EXT1: variants seen among roughly 807,000 people sequenced by gnomAD.
EXT1 encodes exostosin glycosyltransferase 1.
A neutral mutation model predicts 82.5 loss-of-function variants in EXT1; 20 were observed. The observed-to-expected ratio is 0.24, with a 90% confidence interval of 0.17 to 0.35. The LOEUF is 0.35. Among genes scored for constraint, EXT1 ranks in the 10% least tolerant of loss-of-function variants. The pLI is 1.00. For missense variants in EXT1, 757 were observed against 936.5 expected (o/e 0.81, Z 2.50); for synonymous variants, 348 against 350.8 (o/e 0.99, Z 0.09).
At chr8:118,033,346 G>A (rs1816366732) in intron 1 of EXT1, among the ~76,000 whole-genome samples, 1 of 152,132 alleles carries the variant, frequency 6.6e-6, no homozygotes, top group Non-Finnish European at 1.5e-5. Context: ...TCTGTGTCCA[G>A]AACATTACTA....
In EXT1 at chr8:117,829,899, A is replaced by G. The variant is rs17474567; in HGVS notation, c.1284+331T>C. Among the ~76,000 whole-genome samples, 392 of 152,246 alleles carry G rather than the reference A, an allele frequency of 2.6e-3. 3 individuals are homozygous for G. Among genetic ancestry groups the G allele is most frequent in the African/African-American group, 8.9e-3 (371 of 41,556 alleles). The stretch of plus-strand genomic sequence containing the variant: ...AAATATTTTTTTCTAAATGAACTCC[A>G]GAAATATGTCTTCGAAGGATGCCAT... On this transcript the variant is annotated intron_variant, in intron 4 of 10. Transcript: ENST00000378204.
In EXT1 at chr8:117,813,009, G is replaced by GT. The variant is rs758928835; in HGVS notation, c.1633-49dup. 33 of 1,490,438 alleles carry GT rather than the reference G, an allele frequency of 2.2e-5. No individual in the cohort carries two copies. In the Admixed American group the frequency reaches 5.6e-4, roughly 25 times the overall value. The allele number at this position is 1,490,438 out of a possible 1,614,324, so 92.3% of individuals were successfully genotyped here. A position where few individuals can be genotyped will look rare whatever the true frequency, so the allele number is the denominator to read the frequency against. ...AGTGGGGAGGGAATGAGGGAAAGAG[G>GT]TAACTTCAGAGTCTTGTTTTCAGGA... On this transcript the variant is annotated intron_variant, in intron 7 of 10. Transcript: ENST00000378204.
chr8:118,046,344 C>T (rs11562762), intron 1 of EXT1, among the ~76,000 whole-genome samples: 7,826 of 152,206 alleles, frequency 0.051, 640 homozygotes, highest in African/African-American at 0.18. Flanking sequence ...CTTCAGGCAA[C>T]GCACAGAGCA....
intron 8 of EXT1, among the ~76,000 whole-genome samples, chr8:117,810,844 A>G (rs1823307306): frequency 1.3e-5 from 2 of 152,166 alleles, no homozygotes; most frequent in Admixed American, 1.3e-4. Context: ...CGGCAGGAAA[A>G]TCGAGGCAGG....
At chr8:117,803,394 G>A (rs184599097) in intron 10 of EXT1, among the ~76,000 whole-genome samples, 72 of 151,920 alleles carry the variant, frequency 4.7e-4, no homozygotes, top group African/African-American at 1.7e-3. Flanking sequence ...ATGGGGTTTC[G>A]ACATGTTGGC....
chr8:118,077,138 A>T (rs1333067213), intron 1 of EXT1, among the ~76,000 whole-genome samples: 1 of 152,230 alleles, frequency 6.6e-6, no homozygotes, highest in Non-Finnish European at 1.5e-5. Context: ...AGGAGGCAAG[A>T]CACAGTCCTT....
chr8:117,844,483 A>T (rs1046351372), intron 1 of EXT1, among the ~76,000 whole-genome samples: 1 of 152,136 alleles, frequency 6.6e-6, no homozygotes, highest in Non-Finnish European at 1.5e-5. Context: ...AGAAAACTGA[A>T]GTTTACAGCA....
In EXT1 at chr8:117,980,731, T is replaced by C. The variant is rs111770999; in HGVS notation, c.962+129354A>G. On this transcript the variant is annotated intron_variant, in intron 1 of 10. Coordinates refer to ENST00000378204, the MANE Select transcript of EXT1 (RefSeq NM_000127.3). ...TTTTTTTTTTTTTTTTTTTTTTTTT[T>C]CCAGTGTGAGTTCTTCAGTGGAAAC... Among the ~76,000 whole-genome samples the C allele has an allele frequency of 3.8e-3, 538 of 140,024 alleles. 7 individuals carry two copies. The highest frequency in any genetic ancestry group is 0.014 in the African/African-American group (507 of 36,256). The allele number at this position is 140,024 out of a possible 152,430, so 91.9% of individuals were successfully genotyped here.
chr8:118,020,327 A>T (rs1816077953), intron 1 of EXT1, among the ~76,000 whole-genome samples: 1 of 152,218 alleles, frequency 6.6e-6, no homozygotes, highest in African/African-American at 2.4e-5. Flanking sequence ...AGGAACTACT[A>T]ATTCTAGTAG....
chr8:117,845,690 C>A (rs975113635), intron 1 of EXT1, among the ~76,000 whole-genome samples: 3 of 152,026 alleles, frequency 2.0e-5, no homozygotes, highest in Non-Finnish European at 2.9e-5. Context: ...TCAAGTGATC[C>A]TCCCACATCC....
intron 1 of EXT1, among the ~76,000 whole-genome samples, chr8:117,991,071 T>C (rs953751795): frequency 8.6e-5 from 13 of 151,612 alleles, no homozygotes; most frequent in African/African-American, 2.9e-4. Flanking sequence ...ATACACGGAA[T>C]GGAAGAAGGT....
intron 1 of EXT1, among the ~76,000 whole-genome samples, chr8:117,878,091 G>A (rs1813001592): frequency 6.6e-6 from 1 of 152,138 alleles, no homozygotes; most frequent in Admixed American, 6.5e-5. Context: ...TGGCCAACAT[G>A]GTGAAACCCC....
At position 118,110,881 on chromosome 8, in the gene EXT1, G is replaced by A. The variant is rs368004125; in HGVS notation, c.166C>T (p.Pro56Ser). 1 of 1,613,630 alleles carries A rather than the reference G, an allele frequency of 6.2e-7. No homozygotes were observed. Among genetic ancestry groups the A allele is most frequent in the South Asian group, 1.1e-5 (1 of 91,072 alleles). Residue 56 changes from proline to serine, a missense_variant, in exon 1 of 11, where the codon CCC (proline) becomes TCC (serine). Physicochemically the swap from Pro to Ser is moderately conservative, Grantham distance 74 (BLOSUM62 -1). This residue lies in a region of EXT1 where 175 missense variants were observed against 159.0 expected (regional missense o/e 1.10). Coordinates refer to ENST00000378204, the MANE Select transcript of EXT1 (RefSeq NM_000127.3). ...LHHPSPDHFW[P>S]RFPDALRPFV... The stretch of plus-strand genomic sequence containing the variant: ...GGGCGCAGAGCGTCCGGGAAGCGGG[G>A]CCAGAAATGATCCGGACTGGGGTGG...
At chr8:117,825,144 C>CT (rs1811989905) in intron 4 of EXT1, among the ~76,000 whole-genome samples, 1 of 152,120 alleles carries the variant, frequency 6.6e-6, no homozygotes, top group South Asian at 2.1e-4. Context: ...AGTGTTGGGA[C>CT]TACAGGTGTG....
At position 117,795,513 on chromosome 8, in the gene EXT1, G is replaced by C. The variant is rs1823077240; in HGVS notation, c.*4199C>G. On this transcript the variant is annotated 3_prime_UTR_variant, in exon 11 of 11. Coordinates refer to ENST00000378204, the MANE Select transcript of EXT1 (RefSeq NM_000127.3). ...TTTTTTTTTAAAGAAAAAAAAAAGGGGGGCCAGGCGCAGTGGCTTACACCT... is the reference window on the plus strand; with the variant it reads ...TTTTTTTTTAAAGAAAAAAAAAAGGCGGGCCAGGCGCAGTGGCTTACACCT... 6.6e-6 allele frequency: 1 copy of C among 151,046 alleles called. No homozygotes were observed. The highest frequency in any genetic ancestry group is 1.5e-5 in the Non-Finnish European group (1 of 67,866). The allele number at this position is 151,046 out of a possible 1,614,324, so 9.4% of individuals were successfully genotyped here. A position where few individuals can be genotyped will look rare whatever the true frequency, so the allele number is the denominator to read the frequency against.
At chr8:118,058,621 G>C (rs1049586110) in intron 1 of EXT1, among the ~76,000 whole-genome samples, 1 of 151,976 alleles carries the variant, frequency 6.6e-6, no homozygotes, top group African/African-American at 2.4e-5. Context: ...TTTTTCAAAA[G>C]AGGATTACTA....
At chr8:117,947,467 T>C (rs781058472) in intron 1 of EXT1, among the ~76,000 whole-genome samples, 2 of 152,206 alleles carry the variant, frequency 1.3e-5, no homozygotes, top group Non-Finnish European at 1.5e-5. Flanking sequence ...GCACCACAAA[T>C]TGTCCTGAAA....
chr8:117,837,276 C>T (rs1261233174), intron 1 of EXT1, 75 bp from the exon 2 acceptor site: 7 of 1,234,268 alleles, frequency 5.7e-6, no homozygotes, highest in East Asian at 4.7e-5. Flanking sequence ...AGGTGGGCGC[C>T]CATGTGCATG....
At chr8:118,000,536 C>T (rs1269889286) in intron 1 of EXT1, among the ~76,000 whole-genome samples, 1 of 152,204 alleles carries the variant, frequency 6.6e-6, no homozygotes, top group Non-Finnish European at 1.5e-5. Flanking sequence ...GAGGCAATGT[C>T]TTAGCTGTAG....
Sources: gnomAD v4.1 joint callset for allele counts (sites outside exome capture counted in the v4.1 genomes callset) on GRCh38, gnomAD v4.1.1 for gene constraint, gnomAD v4.1.1 regional missense constraint, MANE v1.5 for transcripts, NCBI Gene and HGNC (gene_info 2026-07-23, HGNC 2026-07-21) for gene names.